Variants in LYPD5 observed in about 807,000 individuals in gnomAD.
LYPD5 encodes LY6/PLAUR domain containing 5.
LYPD5 carries 21 observed loss-of-function variants against 19.1 expected under a neutral mutation model. The observed-to-expected ratio is 1.10, with a 90% CI of 0.78 to 1.58. The LOEUF (loss-of-function observed/expected upper bound fraction) is 1.58. Ranked by LOEUF, LYPD5 falls within the 40% of genes most tolerant of loss-of-function variation. LYPD5 has a pLI of 0.00. For missense variants in LYPD5, 287 were observed against 329.8 expected (o/e 0.87, Z 1.00); for synonymous variants, 128 against 142.7 (o/e 0.90, Z 0.74).
chr19:43,797,948 C>T, intron 4 of LYPD5, 119 bp from the exon 5 acceptor site: 1 of 788,860 alleles, frequency 1.3e-6, no homozygotes, highest in Non-Finnish European at 2.0e-6. Context: ...GGTTTTCCTC[C>T]TAAGACCAGG....
chr19:43,819,515 T>A lies in LYPD5; in HGVS notation c.-66+1025A>T, dbSNP rs1970402452. Among the ~76,000 whole-genome samples, 3 of 152,090 alleles carry A rather than the reference T, an allele frequency of 2.0e-5. No individual in the cohort carries two copies. The South Asian group carries it at 6.2e-4, about 32-fold the overall frequency. ...CTGAAGGTGAACCGGGTCTTTTCTG[T>A]CCTTTTTCTAAGTAGCTTAAATAAC... On this transcript the variant is annotated intron_variant, in intron 1 of 4. Transcript: ENST00000414615.
chr19:43,804,809 G>A (rs775363990), upstream of LYPD5, among the ~76,000 whole-genome samples: 1 of 152,158 alleles, frequency 6.6e-6, no homozygotes, highest in African/African-American at 2.4e-5. Flanking sequence ...TGGCCAGGAA[G>A]GAGGATGGTT....
intron 2 of LYPD5, 123 bp downstream of exon 2, chr19:43,799,583 C>T: frequency 1.8e-6 from 2 of 1,105,938 alleles, no homozygotes; most frequent in Non-Finnish European, 1.3e-6. Context: ...TTCTTCCTCT[C>T]CCTCCCCATC....
chr19:43,806,534 C>T (rs767584384), upstream of LYPD5, among the ~76,000 whole-genome samples: 3 of 151,990 alleles, frequency 2.0e-5, no homozygotes, highest in African/African-American at 7.3e-5. Flanking sequence ...ATAGTGGGCA[C>T]GCCTGTAATC....
At chr19:43,802,742 C>A (rs575772685), upstream of LYPD5, among the ~76,000 whole-genome samples, 1 of 152,168 alleles carries the variant, frequency 6.6e-6, no homozygotes, top group Admixed American at 6.5e-5. Context: ...CAACACACAC[C>A]ACCCACACAG....
At chr19:43,799,613 A>T in intron 2 of LYPD5, 93 bp downstream of exon 2, 3 of 1,286,524 alleles carry the variant, frequency 2.3e-6, no homozygotes, top group Non-Finnish European at 3.2e-6. Flanking sequence ...TTATCTTTTC[A>T]TCTTCTACTC....
upstream of LYPD5, among the ~76,000 whole-genome samples, chr19:43,803,182 G>A (rs538285440): frequency 3.0e-4 from 45 of 151,888 alleles, no homozygotes; most frequent in African/African-American, 1.1e-3. Flanking sequence ...ACCTAGAGGT[G>A]AAGAGGGACA....
chr19:43,805,095 T>C (rs1970259752), upstream of LYPD5, among the ~76,000 whole-genome samples: 1 of 152,234 alleles, frequency 6.6e-6, no homozygotes, highest in Non-Finnish European at 1.5e-5. Context: ...TCTGAATGCC[T>C]TAGAATGTTC....
rs202088050 is a variant in LYPD5 at position 43,798,466 on chromosome 19, C to T, written c.506G>A (p.Arg169Lys). 1 of 1,607,268 alleles carries T rather than the reference C, an allele frequency of 6.2e-7. No individual in the cohort carries two copies. The change falls in exon 4 of 5, where the codon AGA becomes AAA. Residue 169 changes from arginine to lysine, a missense_variant. Physicochemically the swap from Arg to Lys is conservative, Grantham distance 26 (BLOSUM62 2). Transcript: ENST00000377950. ...DQTACFQGNG[R>K]MTVGNFSVPV... ...TTCCAGCCCCTTACCAACTGTCATT[C>T]TGCCATTGCCCTGGAAGCAGGCGGT...
At chr19:43,803,091 G>A (rs1970242794), upstream of LYPD5, among the ~76,000 whole-genome samples, 1 of 152,084 alleles carries the variant, frequency 6.6e-6, no homozygotes, top group Non-Finnish European at 1.5e-5. Context: ...GTGTGCCTTC[G>A]AGGAAGCAAT....
chr19:43,809,937 G>A (rs1970305648), intron 1 of LYPD5, among the ~76,000 whole-genome samples: 1 of 152,184 alleles, frequency 6.6e-6, no homozygotes, highest in South Asian at 2.1e-4. Context: ...CTTAGTATAT[G>A]GAAGTAGAAT....
intron 1 of LYPD5, chr19:43,815,840 C>T (rs1006019091): frequency 1.5e-5 from 5 of 328,166 alleles, no homozygotes; most frequent in South Asian, 2.6e-5. Flanking sequence ...CGACTTCAAG[C>T]GATTCCCCTG....
intron 1 of LYPD5, among the ~76,000 whole-genome samples, chr19:43,807,789 C>A (rs1970284707): frequency 6.6e-6 from 1 of 152,200 alleles, no homozygotes; most frequent in South Asian, 2.1e-4. Context: ...CAGTGCACCC[C>A]AGGGGGAGGT....
intron 1 of LYPD5, chr19:43,815,643 A>C (rs1202966711): frequency 5.2e-6 from 1 of 193,698 alleles, no homozygotes; most frequent in Non-Finnish European, 1.1e-5. Flanking sequence ...GAAAAAAAGA[A>C]CACTATTCTG....
chr19:43,819,623 C>T (rs1301041531), intron 1 of LYPD5, among the ~76,000 whole-genome samples: 3 of 152,042 alleles, frequency 2.0e-5, no homozygotes, highest in Admixed American at 6.6e-5. Context: ...AAAAGGAGAA[C>T]GTGTAACCCT....
intron 1 of LYPD5, among the ~76,000 whole-genome samples, chr19:43,818,287 T>C (rs1303073987): frequency 6.6e-6 from 1 of 152,138 alleles, no homozygotes; most frequent in African/African-American, 2.4e-5. Flanking sequence ...GAAGTTTCTG[T>C]GCTATTATTT....
chr19:43,819,286 T>TTC (rs1970399953), intron 1 of LYPD5, among the ~76,000 whole-genome samples: 3 of 143,210 alleles, frequency 2.1e-5, no homozygotes, highest in African/African-American at 7.6e-5. Flanking sequence ...TCTTCTTCTT[T>TTC]TTTTTTTTTT....
intron 1 of LYPD5, among the ~76,000 whole-genome samples, chr19:43,810,141 G>C (rs894674419): frequency 2.0e-5 from 3 of 152,212 alleles, no homozygotes; most frequent in African/African-American, 7.2e-5. Context: ...TTCTTGTGCA[G>C]TGCCCAACAT....
rs77327614 is a variant in LYPD5 at position 43,817,286 on chromosome 19, C to T, written c.-66+3254G>A. Among the ~76,000 whole-genome samples the T allele has an allele frequency of 1.2e-4, 18 of 152,126 alleles. No homozygotes were observed. In the East Asian group the frequency reaches 3.5e-3, roughly 29 times the overall value. ...TCTCATCATCCCTCAGTCTAGTTCA[C>T]GCTTGCATGAACCCATGGGAGCTGG... is the stretch of plus-strand genomic sequence containing the variant. On this transcript the variant is annotated intron_variant, in intron 1 of 4. Transcript: ENST00000414615.
Sources: allele counts gnomAD v4.1 joint callset (sites outside exome capture counted in the v4.1 genomes callset), GRCh38; gene constraint gnomAD v4.1.1; transcripts MANE v1.5; gene names NCBI Gene and HGNC (gene_info 2026-07-23, HGNC 2026-07-21).